Variants in PDS5A observed in about 807,000 individuals in gnomAD.
PDS5A encodes sister chromatid cohesion protein PDS5 homolog A.
Under a neutral mutation model 167.1 loss-of-function variants are expected in PDS5A, and 42 were observed. The ratio of observed to expected loss-of-function variants is 0.25; its 90% CI spans 0.20 to 0.33. The LOEUF is 0.33. PDS5A is among the 10% of genes least tolerant of loss of function. PDS5A has a pLI of 1.00. For missense variants in PDS5A, 1,033 were observed against 1,605.9 expected, an observed-to-expected ratio of 0.64 and a Z score of 6.10; for synonymous variants, 553 against 554.6, an observed-to-expected ratio of 1.00 and a Z score of 0.04.
At chr4:39,962,055 G>T (rs915215588) in intron 2 of PDS5A, among the ~76,000 whole-genome samples, 12 of 146,640 alleles carry the variant, frequency 8.2e-5, no homozygotes, top group Non-Finnish European at 1.8e-4. Flanking sequence ...ACTCAATTCT[G>T]AGTTTTTGTT....
intron 2 of PDS5A, among the ~76,000 whole-genome samples, chr4:39,954,027 AC>A: frequency 6.6e-6 from 1 of 152,234 alleles, no homozygotes; most frequent in South Asian, 2.1e-4. Flanking sequence ...CAACTGAGGT[AC>A]TAAGTGAAGG....
chr4:39,949,323 A>G (rs1553907155), intron 2 of PDS5A, among the ~76,000 whole-genome samples: 1 of 147,604 alleles, frequency 6.8e-6, no homozygotes, highest in Non-Finnish European at 1.5e-5. Context: ...AAAAAAAAAG[A>G]ACTGATGGTA....
At chr4:39,878,183 T>C (rs1411987077) in intron 18 of PDS5A, among the ~76,000 whole-genome samples, 1 of 152,196 alleles carries the variant, frequency 6.6e-6, no homozygotes, top group Admixed American at 6.5e-5. Context: ...AGCACTTATT[T>C]AATGGTCATT....
intron 2 of PDS5A, among the ~76,000 whole-genome samples, chr4:39,957,877 C>CG (rs1230797302): frequency 1.3e-5 from 2 of 151,910 alleles, no homozygotes; most frequent in Admixed American, 6.6e-5. Flanking sequence ...CTCCACAGGC[C>CG]GGGGGTGATG....
At chr4:39,851,953 T>A (rs1718155870) in intron 26 of PDS5A, among the ~76,000 whole-genome samples, 1 of 152,192 alleles carries the variant, frequency 6.6e-6, no homozygotes, top group African/African-American at 2.4e-5. Context: ...CTATGCAGGG[T>A]TTCTTTAAAA....
chr4:39,970,359 A>G (rs1426993347), intron 2 of PDS5A, among the ~76,000 whole-genome samples: 1 of 151,760 alleles, frequency 6.6e-6, no homozygotes. Context: ...ATAGGAAAAC[A>G]TATCTTAGCT....
At chr4:39,929,075 T>C (rs771285328) in intron 2 of PDS5A, among the ~76,000 whole-genome samples, 17 of 152,216 alleles carry the variant, frequency 1.1e-4, no homozygotes, top group Non-Finnish European at 2.1e-4. Flanking sequence ...TAACTATAAT[T>C]CTTTATGTAT....
intron 2 of PDS5A, among the ~76,000 whole-genome samples, chr4:39,956,145 A>G (rs1728904763): frequency 1.3e-5 from 2 of 151,918 alleles, no homozygotes; most frequent in South Asian, 4.1e-4. Context: ...ATTTTAAAAA[A>G]CAGTATAAGA....
intron 10 of PDS5A, among the ~76,000 whole-genome samples, chr4:39,909,280 A>G (rs1231898491): frequency 6.6e-6 from 1 of 151,954 alleles, no homozygotes; most frequent in Non-Finnish European, 1.5e-5. Flanking sequence ...ATCTGCCACC[A>G]TGCCTGGCTA....
At chr4:39,867,126 A>T in intron 22 of PDS5A, 129 bp from the exon 23 acceptor site, 1 of 679,562 alleles carries the variant, frequency 1.5e-6, no homozygotes, top group East Asian at 2.8e-5. Flanking sequence ...AGTCTATGGG[A>T]TAATAACAGC....
intron 12 of PDS5A, 131 bp from the exon 13 acceptor site, chr4:39,902,591 C>T (rs905008930): frequency 2.0e-5 from 10 of 510,464 alleles, no homozygotes; most frequent in African/African-American, 4.0e-5. Flanking sequence ...GGTGCAAACT[C>T]GGCTCAATGC....
chr4:39,831,728 T>C (rs1221070233), intron 32 of PDS5A, among the ~76,000 whole-genome samples: 2 of 151,062 alleles, frequency 1.3e-5, no homozygotes, highest in African/African-American at 2.4e-5. Context: ...AAATACAAAA[T>C]TAGCCAGGCT....
At chr4:39,974,239 C>G (rs927059565) in intron 2 of PDS5A, 1 of 560,188 alleles carries the variant, frequency 1.8e-6, no homozygotes, top group Non-Finnish European at 3.6e-6. Context: ...ATGCCAGGTG[C>G]TATCCCCAAG....
chr4:39,854,780 C>T (rs1274763030), intron 26 of PDS5A, among the ~76,000 whole-genome samples: 1 of 152,048 alleles, frequency 6.6e-6, no homozygotes, highest in East Asian at 1.9e-4. Flanking sequence ...GTACCTGGCA[C>T]ATTGAAAGTA....
chr4:39,909,715 T>A (rs1723729713), intron 10 of PDS5A, among the ~76,000 whole-genome samples: 1 of 152,210 alleles, frequency 6.6e-6, no homozygotes, highest in South Asian at 2.1e-4. Flanking sequence ...AACAGCCTGC[T>A]GATAAAAACC....
At chr4:39,868,197 G>T (rs1194773816) in intron 22 of PDS5A, among the ~76,000 whole-genome samples, 1 of 152,136 alleles carries the variant, frequency 6.6e-6, no homozygotes, top group African/African-American at 2.4e-5. Flanking sequence ...TATCTGCTCT[G>T]TCACCCAGGC....
chr4:39,915,650 G>A (rs752287914), intron 8 of PDS5A, among the ~76,000 whole-genome samples: 22 of 152,004 alleles, frequency 1.4e-4, no homozygotes, highest in Non-Finnish European at 2.4e-4. Context: ...ATGAGCTACC[G>A]CACTTGGCCC....
intron 2 of PDS5A, among the ~76,000 whole-genome samples, chr4:39,957,121 T>C (rs1261884678): frequency 6.6e-6 from 1 of 152,220 alleles, no homozygotes; most frequent in Non-Finnish European, 1.5e-5. Context: ...CTATAGTGGC[T>C]ACGTGAGGGA....
At chr4:39,875,957 G>A (rs1046747707) in intron 19 of PDS5A, among the ~76,000 whole-genome samples, 1 of 151,950 alleles carries the variant, frequency 6.6e-6, no homozygotes, top group Non-Finnish European at 1.5e-5. Flanking sequence ...GATGCCATCA[G>A]AGTTGTTATT....
Sources: gnomAD v4.1 joint callset for allele counts (sites outside exome capture counted in the v4.1 genomes callset) on GRCh38, gnomAD v4.1.1 for gene constraint, MANE v1.5 for transcripts, NCBI Gene and HGNC (gene_info 2026-07-23, HGNC 2026-07-21) for gene names.